Variants in VWC2 observed in about 807,000 individuals in gnomAD.
VWC2 encodes the protein von Willebrand factor C domain containing 2.
VWC2 carries 14 observed loss-of-function variants against 29.8 expected under a neutral mutation model. That is an observed-to-expected ratio of 0.47 (90% CI 0.31 to 0.74). VWC2 has a LOEUF of 0.74. Among genes scored for constraint, VWC2 ranks in the 30% least tolerant of loss-of-function variants. The pLI is 0.05. For missense variants in VWC2, 457 were observed against 459.8 expected, an observed-to-expected ratio of 0.99 and a Z score of 0.05; for synonymous variants, 213 against 199.0, an observed-to-expected ratio of 1.07 and a Z score of -0.59.
rs566877892 is a variant in VWC2, at chr7:49,849,156, TC to T, written c.826+46319del. Among the ~76,000 whole-genome samples the T allele has an allele frequency of 4.0e-4, 61 of 152,248 alleles. No individual in the cohort carries two copies. In the East Asian group the frequency reaches 0.011, roughly 28 times the overall value. On this transcript the variant is annotated intron_variant, in intron 3 of 3. Transcript: ENST00000340652. ...TATCCCAGCAGTTCATACCCTACAG[TC>T]CCAGGGAAACCCCACTGGATCCCGT...
chr7:49,819,574 T>C (rs753967409), intron 3 of VWC2, among the ~76,000 whole-genome samples: 11 of 152,164 alleles, frequency 7.2e-5, no homozygotes, highest in Non-Finnish European at 1.5e-4. Context: ...AAAGGCAAGT[T>C]AAGAGAAACC....
At chr7:49,832,959 T>C (rs920275282) in intron 3 of VWC2, among the ~76,000 whole-genome samples, 3 of 152,178 alleles carry the variant, frequency 2.0e-5, no homozygotes, top group African/African-American at 7.2e-5. Context: ...TCTGGAGAAG[T>C]ACACTTCCAG....
chr7:49,782,285 C>T (rs1183280207), intron 2 of VWC2, among the ~76,000 whole-genome samples: 3 of 152,150 alleles, frequency 2.0e-5, no homozygotes, highest in Admixed American at 1.3e-4. Context: ...CTTTGAAAAG[C>T]CTCTTGTTCA....
In VWC2 at chr7:49,915,411, A is replaced by G. The variant is rs1443668799; in HGVS notation, c.*3226A>G. On this transcript the variant is annotated 3_prime_UTR_variant, in exon 4 of 4. Coordinates refer to ENST00000340652, the MANE Select transcript of VWC2 (RefSeq NM_198570.5). ...CCTGCTTTGTGCAGTAAAACATGCTAAGAAGAATTATCATGCAGTTTTAAG... is the reference window on the plus strand; with the variant it reads ...CCTGCTTTGTGCAGTAAAACATGCTGAGAAGAATTATCATGCAGTTTTAAG... 6.6e-6 allele frequency: 1 copy of G among 152,208 alleles called. No individual in the cohort carries two copies. The highest frequency in any genetic ancestry group is 6.5e-5 in the Admixed American group (1 of 15,274). 9.4% of individuals were successfully genotyped at this position (152,208 alleles called of 1,614,324 possible).
chr7:49,875,100 G>A (rs150105768), intron 3 of VWC2, among the ~76,000 whole-genome samples: 24 of 151,860 alleles, frequency 1.6e-4, no homozygotes, highest in Middle Eastern at 3.4e-3. Flanking sequence ...GGCCGGGCAC[G>A]GTGGCTCATG....
rs1185501273 is a variant in VWC2, at chr7:49,921,345, T to G, written c.*9160T>G. 1 of 152,172 alleles carries G rather than the reference T, an allele frequency of 6.6e-6. No individual in the cohort carries two copies. The highest frequency in any genetic ancestry group is 1.5e-5 in the Non-Finnish European group (1 of 68,024). The allele number at this position is 152,172 out of a possible 1,614,324, so 9.4% of individuals were successfully genotyped here. On this transcript the variant is annotated 3_prime_UTR_variant, in exon 4 of 4. Coordinates refer to ENST00000340652, the MANE Select transcript of VWC2 (RefSeq NM_198570.5). ...TTACTCCATAGCTATAGAGACATAGTCTCTAGAAACAAAGGCCAGAGCATC... is the reference window on the plus strand; with the variant it reads ...TTACTCCATAGCTATAGAGACATAGGCTCTAGAAACAAAGGCCAGAGCATC...
chr7:49,897,850 A>G (rs539920465), intron 3 of VWC2, among the ~76,000 whole-genome samples: 8 of 152,234 alleles, frequency 5.3e-5, no homozygotes, highest in Non-Finnish European at 1.0e-4. Context: ...CCACACTTTG[A>G]GTTTTACTGC....
At chr7:49,859,030 C>T (rs936952487) in intron 3 of VWC2, among the ~76,000 whole-genome samples, 1 of 152,146 alleles carries the variant, frequency 6.6e-6, no homozygotes, top group East Asian at 1.9e-4. Flanking sequence ...TGGTTTTTAG[C>T]GACTGCAGGT....
chr7:49,874,625 G>A (rs1012845601), intron 3 of VWC2, among the ~76,000 whole-genome samples: 1 of 152,128 alleles, frequency 6.6e-6, no homozygotes, highest in Middle Eastern at 3.2e-3. Flanking sequence ...AGGTTTAGGT[G>A]ACAGGATTGG....
chr7:49,846,297 G>C (rs1321043658), intron 3 of VWC2, among the ~76,000 whole-genome samples: 2 of 152,090 alleles, frequency 1.3e-5, no homozygotes, highest in Admixed American at 6.6e-5. Context: ...AAATTTGATG[G>C]ACTAAAACAA....
rs1189256191 is a variant in VWC2 at position 49,773,716 on chromosome 7, A to ACGGCTGCCCAGACATTC, written c.-492_-476dup. 6.6e-6 allele frequency: 1 copy of ACGGCTGCCCAGACATTC among 151,478 alleles called. No homozygotes were observed. The highest frequency in any genetic ancestry group is 2.4e-5 in the African/African-American group (1 of 41,086). The allele number at this position is 151,478 out of a possible 1,614,324, so 9.4% of individuals were successfully genotyped here. The stretch of plus-strand genomic sequence containing the variant: ...GCTTCTCTTTTCCCTCCGACGCGCC[A>ACGGCTGCCCAGACATTC]CGGCTGCCCAGACATTCCGGCTGCC... On this transcript the variant is annotated 5_prime_UTR_variant, in exon 1 of 4. It removes the in-frame stop codon of an upstream open reading frame in the 5' UTR. Transcript: ENST00000340652.
chr7:49,808,664 A>G (rs1788930122), intron 3 of VWC2, among the ~76,000 whole-genome samples: 1 of 152,068 alleles, frequency 6.6e-6, no homozygotes, highest in Admixed American at 6.6e-5. Flanking sequence ...ACTTAATCAT[A>G]TAAAGTTTCT....
At chr7:49,857,271 G>A (rs1381485080) in intron 3 of VWC2, among the ~76,000 whole-genome samples, 1 of 152,090 alleles carries the variant, frequency 6.6e-6, no homozygotes, top group African/African-American at 2.4e-5. Context: ...TTATATAAAT[G>A]GAATCATGCA....
chr7:49,806,072 C>T (rs142317179), intron 3 of VWC2, among the ~76,000 whole-genome samples: 107 of 152,220 alleles, frequency 7.0e-4, no homozygotes, highest in African/African-American at 2.5e-3. Context: ...ATGGATGTTG[C>T]ATGGCATTAT....
chr7:49,817,863 A>T (rs559370573), intron 3 of VWC2, among the ~76,000 whole-genome samples: 1 of 152,364 alleles, frequency 6.6e-6, no homozygotes, highest in East Asian at 1.9e-4. Flanking sequence ...TATAGGGGGA[A>T]AAACATTGCC....
chr7:49,782,616 G>A (rs1788202212), intron 2 of VWC2, among the ~76,000 whole-genome samples: 1 of 151,768 alleles, frequency 6.6e-6, no homozygotes, highest in African/African-American at 2.4e-5. Flanking sequence ...AGACTGAGGT[G>A]GGAAGATGAC....
intron 3 of VWC2, among the ~76,000 whole-genome samples, chr7:49,842,631 CT>C (rs1789824840): frequency 6.6e-6 from 1 of 152,136 alleles, no homozygotes; most frequent in African/African-American, 2.4e-5. Flanking sequence ...CAGGAATTGT[CT>C]GTATACTTGC....
chr7:49,774,952 G>A (rs190069804), intron 1 of VWC2, among the ~76,000 whole-genome samples: 273 of 151,846 alleles, frequency 1.8e-3, no homozygotes, highest in African/African-American at 6.2e-3. Context: ...AATAACCTTC[G>A]GGAAATGTGG....
At chr7:49,812,020 CA>C (rs1789022206) in intron 3 of VWC2, among the ~76,000 whole-genome samples, 1 of 152,136 alleles carries the variant, frequency 6.6e-6, no homozygotes, top group Non-Finnish European at 1.5e-5. Flanking sequence ...AATGATACTA[CA>C]ACATGGGTGA....
Sources: allele counts gnomAD v4.1 joint callset (sites outside exome capture counted in the v4.1 genomes callset), GRCh38; gene constraint gnomAD v4.1.1; transcripts MANE v1.5; gene names NCBI Gene and HGNC (gene_info 2026-07-23, HGNC 2026-07-21).